The following CACNA1C variants were observed in gnomAD, a reference collection of about 807,000 sequenced individuals.
CACNA1C encodes voltage-dependent L-type calcium channel subunit alpha-1C.
Under a neutral mutation model 229.0 loss-of-function variants are expected in CACNA1C, and 30 were observed. The observed-to-expected ratio is 0.13, with a 90% CI of 0.10 to 0.18. The LOEUF (loss-of-function observed/expected upper bound fraction) is 0.18, where lower values mean the gene tolerates loss of function less well. Ranked by LOEUF, CACNA1C falls within the 10% of genes least tolerant of loss-of-function variation. The probability of loss-of-function intolerance (pLI) is 1.00; values close to 1 mark genes in which losing one functional copy is unlikely to be tolerated. For missense variants in CACNA1C, 1,658 were observed against 2,845.0 expected, an observed-to-expected ratio of 0.58 and a Z score of 9.49; for synonymous variants, 1,114 against 1,132.5, an observed-to-expected ratio of 0.98 and a Z score of 0.33.
intron 3 of CACNA1C, among the ~76,000 whole-genome samples, chr12:2,430,171 C>G (rs1389341609): frequency 2.6e-5 from 4 of 152,098 alleles, no homozygotes; most frequent in African/African-American, 9.7e-5. Flanking sequence ...ATACATGAGG[C>G]CTTCTGCCCT....
intron 43 of CACNA1C, 143 bp from the exon 44 acceptor site, chr12:2,685,593 A>T: frequency 1.5e-6 from 1 of 658,812 alleles, no homozygotes; most frequent in South Asian, 1.7e-5. Flanking sequence ...TTGGGGTGGC[A>T]ATTCCCCAAA....
rs1346023406 is a variant in CACNA1C, at chr12:2,354,492, G to A, written c.478-94484G>A. 2.0e-5 allele frequency among the ~76,000 whole-genome samples: 3 copies of A among 152,154 alleles called. No individual in the cohort carries two copies. Among genetic ancestry groups the A allele is most frequent in the African/African-American group, 7.2e-5 (3 of 41,434 alleles). ...AACAGGAGACTGTTGAGAAGGGGACGGAGAACCTCACCAGCAGCTGAATTG... is the reference window on the plus strand; with the variant it reads ...AACAGGAGACTGTTGAGAAGGGGACAGAGAACCTCACCAGCAGCTGAATTG... On this transcript the variant is annotated intron_variant, in intron 3 of 46. Coordinates refer to ENST00000399655, the MANE Select transcript of CACNA1C (RefSeq NM_000719.7). This position sits in a 1 kb window ranked among gnomAD's most constrained non-coding sequence, Gnocchi z 4.6.
chr12:2,001,091 GA>G (rs990189344), intron 1 of CACNA1C, among the ~76,000 whole-genome samples: 1 of 151,418 alleles, frequency 6.6e-6, no homozygotes, highest in Non-Finnish European at 1.5e-5. Context: ...ATCTTTTGAT[GA>G]AAAAACGTCA....
chr12:2,450,849 T>C (rs1244253288), intron 4 of CACNA1C, among the ~76,000 whole-genome samples: 2 of 152,124 alleles, frequency 1.3e-5, no homozygotes, highest in Non-Finnish European at 1.5e-5. Flanking sequence ...ACACAGCCAT[T>C]GTGGACGTCT....
chr12:2,386,857 C>T (rs1470248502), intron 3 of CACNA1C, among the ~76,000 whole-genome samples: 1 of 152,182 alleles, frequency 6.6e-6, no homozygotes, highest in Non-Finnish European at 1.5e-5. Context: ...AACCAGGTTT[C>T]CTGACTCCTG....
chr12:2,545,557 C>T (rs192663229), intron 9 of CACNA1C, among the ~76,000 whole-genome samples: 2 of 152,152 alleles, frequency 1.3e-5, no homozygotes, highest in East Asian at 1.9e-4. Flanking sequence ...CCAAATCGCT[C>T]GAATTTGCTC....
intron 3 of CACNA1C, among the ~76,000 whole-genome samples, chr12:2,437,017 T>C (rs1345007828): frequency 3.3e-5 from 5 of 152,256 alleles, no homozygotes; most frequent in Non-Finnish European, 4.4e-5. Flanking sequence ...CGAGAGATCA[T>C]AGTGCTTTTG....
In CACNA1C at chr12:2,602,381, A is replaced by G. The variant is rs975448173; in HGVS notation, c.2960+421A>G. On this transcript the variant is annotated intron_variant, in intron 22 of 46. Coordinates refer to ENST00000399655, the MANE Select transcript of CACNA1C (RefSeq NM_000719.7). The surrounding 1 kb of genome is among the most constrained non-coding windows in gnomAD (Gnocchi z 4.4). ...CCTCTCTCTCCAGCCAAAGCACCTC[A>G]TGTATGAGTGTATGTGTGAATGTGT... is the stretch of plus-strand genomic sequence containing the variant. Among the ~76,000 whole-genome samples the G allele has an allele frequency of 1.3e-5, 2 of 151,660 alleles. No homozygotes were observed. Among genetic ancestry groups the G allele is most frequent in the African/African-American group, 4.8e-5 (2 of 41,252 alleles).
chr12:2,460,547 G>A (rs993555651), intron 5 of CACNA1C, among the ~76,000 whole-genome samples: 1 of 152,218 alleles, frequency 6.6e-6, no homozygotes, highest in African/African-American at 2.4e-5. Flanking sequence ...TTCCACTACA[G>A]AGGAAATTTC....
chr12:2,157,413 TG>T (rs1346941731), intron 3 of CACNA1C, among the ~76,000 whole-genome samples: 1 of 152,180 alleles, frequency 6.6e-6, no homozygotes, highest in Non-Finnish European at 1.5e-5. Context: ...GAGGTCTGCA[TG>T]GGGGCACCAC....
intron 1 of CACNA1C, among the ~76,000 whole-genome samples, chr12:2,093,998 T>C (rs2072656460): frequency 2.0e-5 from 3 of 152,248 alleles, no homozygotes; most frequent in South Asian, 4.1e-4. Flanking sequence ...GTGTGAAAAC[T>C]GGGCAGCTGT....
chr12:2,287,756 T>A lies in CACNA1C; in HGVS notation c.478-161220T>A, dbSNP rs2092917970. Reference sequence around the variant, plus strand: ...TAAACACAGATTCCTGGGCTCCAGCTTCCGAGTTTCAGTGGCTCCAGGATG... The same window carrying A: ...TAAACACAGATTCCTGGGCTCCAGCATCCGAGTTTCAGTGGCTCCAGGATG... On this transcript the variant is annotated intron_variant, in intron 3 of 46. Transcript: ENST00000399655. The surrounding 1 kb of genome is among the most constrained non-coding windows in gnomAD (Gnocchi z 4.6). Among the ~76,000 whole-genome samples, 1 of 152,222 alleles carries A rather than the reference T, an allele frequency of 6.6e-6. No individual in the cohort carries two copies. Among genetic ancestry groups the A allele is most frequent in the South Asian group, 2.1e-4 (1 of 4,836 alleles).
chr12:2,139,506 G>A (rs1015671865), intron 3 of CACNA1C, among the ~76,000 whole-genome samples: 1 of 151,218 alleles, frequency 6.6e-6, no homozygotes, highest in Non-Finnish European at 1.5e-5. Flanking sequence ...CTGGGGCCTT[G>A]CGCATGTCTG....
Position 2,630,256 on chromosome 12 carries a change from A to AT in CACNA1C, c.3829-4034dup, listed in dbSNP as rs35860731. ...AGACTGATTTCGTAAGACGTGTATG[A>AT]TTTTTTTCCCACCCTCCCTTCTCCA... is the stretch of plus-strand genomic sequence containing the variant. On this transcript the variant is annotated intron_variant, in intron 29 of 46. Transcript: ENST00000399655. This position sits in a 1 kb window ranked among gnomAD's most constrained non-coding sequence, Gnocchi z 5.4. 1.3e-5 allele frequency among the ~76,000 whole-genome samples: 2 copies of AT among 152,040 alleles called. No individual in the cohort carries two copies. The highest frequency in any genetic ancestry group is 4.8e-5 in the African/African-American group (2 of 41,372).
intron 8 of CACNA1C, among the ~76,000 whole-genome samples, chr12:2,510,323 G>A (rs570083240): frequency 7.2e-5 from 11 of 152,130 alleles, no homozygotes; most frequent in Non-Finnish European, 8.8e-5. Flanking sequence ...GGAAACCTTG[G>A]CTCATCTTCC....
At chr12:2,604,920 G>A (rs1213436769) in intron 22 of CACNA1C, among the ~76,000 whole-genome samples, 161 bp from the exon 23 acceptor site, 1 of 152,220 alleles carries the variant, frequency 6.6e-6, no homozygotes, top group African/African-American at 2.4e-5. Flanking sequence ...ATGGGAGACA[G>A]GAGTAGAGAG....
At chr12:2,004,148 C>T (rs1304050665) in intron 1 of CACNA1C, 1 of 1,333,714 alleles carries the variant, frequency 7.5e-7, no homozygotes, top group Non-Finnish European at 1.0e-6. Flanking sequence ...CAACTTCGGC[C>T]TCAGTCCCCA....
intron 21 of CACNA1C, among the ~76,000 whole-genome samples, chr12:2,599,968 A>G (rs1467640057): frequency 1.3e-5 from 2 of 152,174 alleles, no homozygotes; most frequent in Non-Finnish European, 1.5e-5. Context: ...CAGGAGCCCA[A>G]AACCAGAGGA....
At chr12:2,223,025 T>G (rs1201315647) in intron 3 of CACNA1C, among the ~76,000 whole-genome samples, 2 of 152,102 alleles carry the variant, frequency 1.3e-5, no homozygotes, top group African/African-American at 4.8e-5. Context: ...GTCACAATCT[T>G]TACATACTGG....
Sources: allele counts gnomAD v4.1 joint callset (sites outside exome capture counted in the v4.1 genomes callset), GRCh38; gene constraint gnomAD v4.1.1; non-coding constraint Gnocchi (gnomAD v3.1); transcripts MANE v1.5; gene names NCBI Gene and HGNC (gene_info 2026-07-23, HGNC 2026-07-21).